The following COLEC10 variants were observed in gnomAD, a reference collection of about 807,000 sequenced individuals.
COLEC10 encodes collectin-10.
In COLEC10, 22 loss-of-function variants were observed where a neutral mutation model predicts 28.4. The ratio of observed to expected loss-of-function variants is 0.78; its 90% CI spans 0.55 to 1.11. COLEC10 has a LOEUF of 1.11. COLEC10 is among the 50% of genes least tolerant of loss of function. COLEC10 has a pLI of 0.00. For missense variants in COLEC10, 361 were observed against 344.1 expected, an observed-to-expected ratio of 1.05 and a Z score of -0.39; for synonymous variants, 125 against 116.1, an observed-to-expected ratio of 1.08 and a Z score of -0.49.
At chr8:119,000,348 A>G (rs1168853029) in intron 1 of COLEC10, among the ~76,000 whole-genome samples, 1 of 152,192 alleles carries the variant, frequency 6.6e-6, no homozygotes, top group Non-Finnish European at 1.5e-5. Flanking sequence ...ATTATATGGC[A>G]TTGTGGAGTG....
intron 1 of COLEC10, among the ~76,000 whole-genome samples, chr8:119,005,223 C>A (rs1353462001): frequency 6.6e-6 from 1 of 152,054 alleles, no homozygotes; most frequent in Non-Finnish European, 1.5e-5. Flanking sequence ...GAAATAATAA[C>A]CCTAGGATTT....
chr8:119,037,479 C>T (rs921029047), intron 2 of COLEC10, among the ~76,000 whole-genome samples: 1 of 152,030 alleles, frequency 6.6e-6, no homozygotes, highest in African/African-American at 2.4e-5. Context: ...TAGTATGACA[C>T]AAAACATGGG....
At chr8:119,105,713 TA>T (rs1815923254) in intron 5 of COLEC10, 86 bp from the exon 6 acceptor site, 1 of 1,190,528 alleles carries the variant, frequency 8.4e-7, no homozygotes, top group Non-Finnish European at 1.2e-6. Context: ...ATTGAATAAA[TA>T]AATGTAAATC....
At chr8:119,039,862 T>A (rs545448905) in intron 2 of COLEC10, among the ~76,000 whole-genome samples, 1 of 152,304 alleles carries the variant, frequency 6.6e-6, no homozygotes, top group South Asian at 2.1e-4. Flanking sequence ...GTGATTATAT[T>A]GGGTCTTGTA....
chr8:118,991,264 T>G (rs758070164), upstream of COLEC10, among the ~76,000 whole-genome samples: 2 of 152,186 alleles, frequency 1.3e-5, no homozygotes, highest in Non-Finnish European at 2.9e-5. Context: ...ACTAGCTATG[T>G]GACATTTGTC....
At chr8:119,101,555 A>G (rs1261036246) in intron 3 of COLEC10, among the ~76,000 whole-genome samples, 1 of 152,210 alleles carries the variant, frequency 6.6e-6, no homozygotes, top group Non-Finnish European at 1.5e-5. Context: ...TTACATATAA[A>G]GAAGTACAGA....
At chr8:119,025,269 C>A (rs962898291) in intron 2 of COLEC10, among the ~76,000 whole-genome samples, 3 of 152,210 alleles carry the variant, frequency 2.0e-5, no homozygotes, top group Admixed American at 6.5e-5. Context: ...CAGTCTTCAA[C>A]ATTTGCTTTT....
At chr8:119,027,558 G>T (rs1454017733) in intron 2 of COLEC10, among the ~76,000 whole-genome samples, 1 of 152,072 alleles carries the variant, frequency 6.6e-6, no homozygotes, top group Non-Finnish European at 1.5e-5. Flanking sequence ...GTACACATTT[G>T]CTTTTCAGAG....
At chr8:119,082,824 A>C (rs1447700472) in intron 1 of COLEC10, among the ~76,000 whole-genome samples, 2 of 152,210 alleles carry the variant, frequency 1.3e-5, no homozygotes, top group African/African-American at 4.8e-5. Flanking sequence ...GGTGGAGCTC[A>C]GTCTAAAGGA....
chr8:118,987,892 G>C, the COLEC10 span, among the ~76,000 whole-genome samples: 1 of 152,092 alleles, frequency 6.6e-6, no homozygotes, highest in East Asian at 1.9e-4. Context: ...AATAGTCTTT[G>C]GTTTCAGCAC....
intron 2 of COLEC10, among the ~76,000 whole-genome samples, chr8:119,058,022 T>C (rs1470278538): frequency 6.6e-6 from 1 of 152,044 alleles, no homozygotes; most frequent in Non-Finnish European, 1.5e-5. Context: ...TTGTTTTCTA[T>C]GAATTACTTT....
chr8:119,040,107 TTC>T (rs1814466673), intron 2 of COLEC10, among the ~76,000 whole-genome samples: 2 of 152,176 alleles, frequency 1.3e-5, no homozygotes, highest in African/African-American at 2.4e-5. Flanking sequence ...GTAAAGAATC[TTC>T]TATCTCTAGC....
chr8:119,089,226 C>T (rs1433051110), intron 1 of COLEC10, among the ~76,000 whole-genome samples: 1 of 152,174 alleles, frequency 6.6e-6, no homozygotes. Flanking sequence ...TTTGTGGCTT[C>T]TCCATTCCTA....
chr8:119,049,527 G>T (rs1301502392), intron 2 of COLEC10, among the ~76,000 whole-genome samples: 1 of 139,922 alleles, frequency 7.1e-6, no homozygotes, highest in East Asian at 2.4e-4. Context: ...CCATTCTCCT[G>T]CCCCAGCCTC....
intron 1 of COLEC10, among the ~76,000 whole-genome samples, chr8:119,077,250 T>TTTC (rs199521926): frequency 2.4e-4 from 32 of 132,054 alleles, no homozygotes; most frequent in African/African-American, 8.6e-4. Flanking sequence ...ATGATTTTTT[T>TTTC]TTTTTTTTTT....
intron 2 of COLEC10, among the ~76,000 whole-genome samples, chr8:119,021,620 C>A (rs929340580): frequency 6.6e-6 from 1 of 152,150 alleles, no homozygotes; most frequent in Non-Finnish European, 1.5e-5. Flanking sequence ...CTGAGCAACA[C>A]CACTTTTTGC....
At chr8:119,091,385 CAAA>C (rs33915063) in intron 3 of COLEC10, among the ~76,000 whole-genome samples, 165 bp downstream of exon 3, 23 of 137,474 alleles carry the variant, frequency 1.7e-4, no homozygotes, top group African/African-American at 3.5e-4. Flanking sequence ...CAATCTCTAC[CAAA>C]AAAAAAAAAA....
chr8:119,081,849 T>A (rs943883815), intron 1 of COLEC10, among the ~76,000 whole-genome samples: 1 of 152,172 alleles, frequency 6.6e-6, no homozygotes, highest in Non-Finnish European at 1.5e-5. Context: ...ATGGTGGAAA[T>A]ATGATTTAAT....
At chr8:119,075,649 G>A (rs1815213778) in intron 1 of COLEC10, among the ~76,000 whole-genome samples, 1 of 151,982 alleles carries the variant, frequency 6.6e-6, no homozygotes, top group African/African-American at 2.4e-5. Context: ...TTCTATTTAG[G>A]CTCAACTGAC....
Sources: gnomAD v4.1 joint callset for allele counts (sites outside exome capture counted in the v4.1 genomes callset) on GRCh38, gnomAD v4.1.1 for gene constraint, MANE v1.5 for transcripts, NCBI Gene and HGNC (gene_info 2026-07-23, HGNC 2026-07-21) for gene names.